Variants in TAOK3 observed in about 807,000 individuals in gnomAD.
TAOK3 encodes the protein serine/threonine-protein kinase TAO3.
In TAOK3, 40 loss-of-function variants were observed where a neutral mutation model predicts 120.4. The observed-to-expected ratio is 0.33, with a 90% confidence interval of 0.26 to 0.43. The LOEUF (loss-of-function observed/expected upper bound fraction) is 0.43, where lower values mean the gene tolerates loss of function less well. TAOK3 is among the 20% of genes least tolerant of loss of function. The pLI is 1.00. For synonymous variants in TAOK3, 355 were observed against 387.5 expected (o/e 0.92, Z 0.99); for missense variants, 821 against 1,112.1 (o/e 0.74, Z 3.72).
intron 13 of TAOK3, among the ~76,000 whole-genome samples, chr12:118,194,296 G>A (rs938519897): frequency 1.3e-5 from 2 of 152,014 alleles, no homozygotes; most frequent in Non-Finnish European, 2.9e-5. Context: ...AATTATTGTC[G>A]AAGCAGGGGT....
chr12:118,178,661 T>C (rs568686409), intron 15 of TAOK3, among the ~76,000 whole-genome samples: 6 of 152,302 alleles, frequency 3.9e-5, no homozygotes, highest in East Asian at 1.9e-4. Flanking sequence ...TTTCACCATG[T>C]TGGCCAGGCT....
chr12:118,179,627 T>C (rs1050405777), intron 15 of TAOK3, among the ~76,000 whole-genome samples: 4 of 151,282 alleles, frequency 2.6e-5, no homozygotes, highest in African/African-American at 9.7e-5. Flanking sequence ...ATTATGACTA[T>C]CTGCCTTACC....
At chr12:118,301,639 T>C (rs1383430769) in intron 1 of TAOK3, among the ~76,000 whole-genome samples, 1 of 150,210 alleles carries the variant, frequency 6.7e-6, no homozygotes, top group Non-Finnish European at 1.5e-5. Context: ...AGGTCAGGAG[T>C]TCAAGATCAG....
intron 9 of TAOK3, among the ~76,000 whole-genome samples, chr12:118,218,546 T>C (rs936794182): frequency 3.3e-5 from 5 of 152,210 alleles, no homozygotes; most frequent in Non-Finnish European, 5.9e-5. Flanking sequence ...TAAATAGTTA[T>C]ACCGCATTGT....
At chr12:118,318,134 T>C (rs2043547513) in intron 1 of TAOK3, among the ~76,000 whole-genome samples, 1 of 150,504 alleles carries the variant, frequency 6.6e-6, no homozygotes, top group South Asian at 2.1e-4. Flanking sequence ...ATCCGAGACC[T>C]AAATAAGATA....
intron 1 of TAOK3, among the ~76,000 whole-genome samples, chr12:118,357,266 G>T (rs2045436284): frequency 1.3e-5 from 2 of 152,166 alleles, no homozygotes; most frequent in African/African-American, 4.8e-5. Context: ...ATGATTATTT[G>T]TATTAGTATG....
At chr12:118,291,167 T>A (rs974995607) in intron 1 of TAOK3, among the ~76,000 whole-genome samples, 1 of 150,912 alleles carries the variant, frequency 6.6e-6, no homozygotes, top group Non-Finnish European at 1.5e-5. Flanking sequence ...GGTTTTTACT[T>A]TTTTTTGAGA....
intron 13 of TAOK3, among the ~76,000 whole-genome samples, chr12:118,196,623 G>A (rs1179975858): frequency 1.3e-5 from 2 of 152,070 alleles, no homozygotes; most frequent in Non-Finnish European, 2.9e-5. Context: ...TATTAAGCAC[G>A]TTCTTATTGT....
At chr12:118,273,459 C>G (rs1194282684) in intron 1 of TAOK3, among the ~76,000 whole-genome samples, 4 of 149,176 alleles carry the variant, frequency 2.7e-5, no homozygotes, top group Admixed American at 2.0e-4. Context: ...CCGAGATCGG[C>G]ACCACTGCAC....
intron 19 of TAOK3, among the ~76,000 whole-genome samples, chr12:118,156,061 CTTG>C (rs1204987025): frequency 2.6e-5 from 4 of 152,170 alleles, no homozygotes; most frequent in African/African-American, 7.2e-5. Context: ...TCATTGAACG[CTTG>C]TTGTATGCCA....
intron 1 of TAOK3, among the ~76,000 whole-genome samples, chr12:118,267,516 G>A (rs1225185051): frequency 1.3e-5 from 2 of 151,356 alleles, no homozygotes; most frequent in Non-Finnish European, 1.5e-5. Context: ...CGCCCGGCTG[G>A]AGTGATGATT....
intron 1 of TAOK3, among the ~76,000 whole-genome samples, chr12:118,308,218 T>C (rs1033433783): frequency 6.6e-6 from 1 of 151,964 alleles, no homozygotes; most frequent in Admixed American, 6.6e-5. Flanking sequence ...AGTTTACAGA[T>C]GCCACGGCAA....
Position 118,177,206 on chromosome 12 carries a change from T to C in TAOK3, c.1690A>G (p.Lys564Glu). ...KQYKICKEKI[K>E]EEMNEDHSTP... ...ACAAACATTGGTATCCTTACCTCTT[T>C]TATTTTTTCCTTACAAATCTTATAC... Residue 564 changes from lysine to glutamate, a missense_variant, in exon 16 of 21, where the codon AAA becomes GAA. Coordinates refer to ENST00000392533, the MANE Select transcript of TAOK3 (RefSeq NM_016281.4). 2 of 1,613,616 alleles carry C rather than the reference T, an allele frequency of 1.2e-6. No individual in the cohort carries two copies. The highest frequency in any genetic ancestry group is 1.7e-6 in the Non-Finnish European group (2 of 1,179,840).
chr12:118,294,112 T>C (rs562702355), intron 1 of TAOK3, among the ~76,000 whole-genome samples: 52 of 152,288 alleles, frequency 3.4e-4, no homozygotes, highest in African/African-American at 1.2e-3. Flanking sequence ...TATATGTATA[T>C]TTATATATGT....
chr12:118,278,597 A>G (rs536128016), intron 1 of TAOK3, among the ~76,000 whole-genome samples: 6 of 152,274 alleles, frequency 3.9e-5, no homozygotes, highest in African/African-American at 9.6e-5. Flanking sequence ...AAGTGCTGCA[A>G]TGAGCATATG....
chr12:118,278,619 CT>C (rs766783206), intron 1 of TAOK3, among the ~76,000 whole-genome samples: 1 of 152,080 alleles, frequency 6.6e-6, no homozygotes, highest in Non-Finnish European at 1.5e-5. Flanking sequence ...GTACATGAGT[CT>C]TTATAGTAGA....
chr12:118,232,764 C>T (rs1471059723), intron 9 of TAOK3, among the ~76,000 whole-genome samples: 1 of 151,822 alleles, frequency 6.6e-6, no homozygotes, highest in Non-Finnish European at 1.5e-5. Context: ...AATTAGCCAG[C>T]CTTGGTGGCA....
intron 1 of TAOK3, among the ~76,000 whole-genome samples, chr12:118,321,033 A>G (rs947862794): frequency 6.6e-6 from 1 of 152,248 alleles, no homozygotes; most frequent in Non-Finnish European, 1.5e-5. Context: ...GTTACATTTT[A>G]AAATAATGTT....
intron 12 of TAOK3, chr12:118,199,929 A>G (rs1182904398): frequency 1.3e-5 from 2 of 152,406 alleles, no homozygotes; most frequent in African/African-American, 4.8e-5. Context: ...AATAATCAGA[A>G]CATATAATTT....
Sources: allele counts gnomAD v4.1 joint callset (sites outside exome capture counted in the v4.1 genomes callset), GRCh38; gene constraint gnomAD v4.1.1; transcripts MANE v1.5; gene names NCBI Gene and HGNC (gene_info 2026-07-23, HGNC 2026-07-21).